SPARC: variants seen among roughly 807,000 people sequenced by gnomAD.
The protein encoded by SPARC is secreted protein acidic and cysteine rich, also known as basement-membrane protein 40.
SPARC carries 23 observed loss-of-function variants against 37.7 expected under a neutral mutation model. The observed-to-expected ratio is 0.61, with a 90% CI of 0.44 to 0.87. SPARC has a LOEUF of 0.87. Ranked by LOEUF, SPARC falls within the 40% of genes least tolerant of loss-of-function variation. SPARC has a pLI of 0.00. For synonymous variants in SPARC, 155 were observed against 150.8 expected (o/e 1.03, Z -0.20); for missense variants, 312 against 389.0 (o/e 0.80, Z 1.66).
chr5:151,668,932 G>A (rs1406106275), intron 6 of SPARC, among the ~76,000 whole-genome samples: 10 of 152,188 alleles, frequency 6.6e-5, no homozygotes, highest in African/African-American at 1.9e-4. Flanking sequence ...CATTGCCATC[G>A]GGTGCCAGAA....
Position 151,663,550 on chromosome 5 carries a change from G to T in SPARC, c.*21C>A. ...AAGGGGAGGGTTAAAGAGAGAATCC[G>T]GTACTGTGGAAGGAGTGGATTTAGA... On this transcript the variant is annotated 3_prime_UTR_variant, in exon 10 of 10. Coordinates refer to ENST00000231061, the MANE Select transcript of SPARC (RefSeq NM_003118.4). 1 of 1,610,780 alleles carries T rather than the reference G, an allele frequency of 6.2e-7. No individual in the cohort carries two copies. Among genetic ancestry groups the T allele is most frequent in the Non-Finnish European group, 8.5e-7 (1 of 1,177,052 alleles).
Position 151,673,358 on chromosome 5 carries a change from C to T in SPARC, c.121-142G>A, listed in dbSNP as rs17112183. The T allele has an allele frequency of 0.029, 20,246 of 686,310 alleles. 2,844 individuals are homozygous for T. In the African/African-American group the frequency reaches 0.31, roughly 10 times the overall value. The allele number at this position is 686,310 out of a possible 1,614,324, so 42.5% of individuals were successfully genotyped here. On this transcript the variant is annotated intron_variant, in intron 3 of 9. Coordinates refer to ENST00000231061, the MANE Select transcript of SPARC (RefSeq NM_003118.4). ...TAATCTATAGGCCTGCTGTGTTTTG[C>T]AGTATGCCTGGGATTCTGTTGAGCT...
chr5:151,683,602 C>G (rs1761060449), intron 1 of SPARC, among the ~76,000 whole-genome samples: 1 of 152,182 alleles, frequency 6.6e-6, no homozygotes, highest in African/African-American at 2.4e-5. Context: ...TTATGTTTGA[C>G]TGTGCATATG....
rs772471295 is a variant in SPARC at position 151,676,116 on chromosome 5, A to T, written c.57+16T>A. The T allele has an allele frequency of 6.8e-6, 11 of 1,606,346 alleles. No individual in the cohort carries two copies. Among genetic ancestry groups the T allele is most frequent in the Non-Finnish European group, 9.4e-6 (11 of 1,175,774 alleles). ...GTAGGAATGAAAACAAGAAGACATG[A>T]TATTTAGGTACTTACAGGGGCTGCC... On this transcript the variant is annotated intron_variant, in intron 2 of 9. Transcript: ENST00000231061.
intron 5 of SPARC, among the ~76,000 whole-genome samples, chr5:151,670,754 C>T (rs372954833): frequency 5.3e-5 from 8 of 152,212 alleles, no homozygotes; most frequent in South Asian, 2.1e-4. Context: ...TTTAGTATAG[C>T]TTATATGTCA....
intron 1 of SPARC, among the ~76,000 whole-genome samples, chr5:151,685,422 T>TCACACACA (rs3033198): frequency 0.017 from 2,347 of 140,472 alleles, 52 homozygotes; most frequent in African/African-American, 0.046. Flanking sequence ...CCTCTCTCTC[T>TCACACACA]CACACACACA....
chr5:151,668,445 G>A (rs980729561), intron 6 of SPARC, among the ~76,000 whole-genome samples: 6 of 152,086 alleles, frequency 3.9e-5, no homozygotes, highest in African/African-American at 9.7e-5. Flanking sequence ...GAGCCACCGC[G>A]CCTGACCCAG....
chr5:151,681,481 C>A (rs1393466009), intron 1 of SPARC, among the ~76,000 whole-genome samples: 2 of 152,198 alleles, frequency 1.3e-5, no homozygotes, highest in East Asian at 3.8e-4. Context: ...GCCAGAAAAT[C>A]CTTTATTTCA....
In SPARC at chr5:151,664,316, C is replaced by T. The variant is rs1581518656; in HGVS notation, c.735-81G>A. The T allele has an allele frequency of 1.4e-5, 18 of 1,329,186 alleles. No homozygotes were observed. In the East Asian group the frequency reaches 2.5e-4, roughly 18 times the overall value. 82.3% of individuals were successfully genotyped at this position (1,329,186 alleles called of 1,614,324 possible). A position where few individuals can be genotyped will look rare whatever the true frequency, so the allele number is the denominator to read the frequency against. On this transcript the variant is annotated intron_variant, in intron 8 of 9. Coordinates refer to ENST00000231061, the MANE Select transcript of SPARC (RefSeq NM_003118.4). The stretch of plus-strand genomic sequence containing the variant: ...CTTGGGAGGCAACCGGGGAGTTAGC[C>T]TGCCCCAGAGCATGGAGGAAAGGAT...
At chr5:151,672,758 G>T (rs1016850970) in intron 4 of SPARC, 5 of 260,382 alleles carry the variant, frequency 1.9e-5, no homozygotes, top group Non-Finnish European at 3.8e-5. Context: ...ACTTCTCTGT[G>T]GGGCACGGGC....
intron 5 of SPARC, 149 bp from the exon 6 acceptor site, chr5:151,669,933 T>G: frequency 8.6e-7 from 1 of 1,156,652 alleles, no homozygotes; most frequent in Admixed American, 2.3e-5. Context: ...GTGATAGGGC[T>G]GGGCCACAAA....
At chr5:151,686,352 A>T (rs1197418866) in intron 1 of SPARC, 1 of 152,008 alleles carries the variant, frequency 6.6e-6, no homozygotes, top group Non-Finnish European at 1.5e-5. Flanking sequence ...GGTGTGGATT[A>T]ATGGTGAAGC....
intron 3 of SPARC, among the ~76,000 whole-genome samples, chr5:151,673,809 C>T (rs960957919): frequency 1.3e-5 from 2 of 152,152 alleles, no homozygotes; most frequent in African/African-American, 2.4e-5. Context: ...TACTCCCGAC[C>T]ACCTTGGACA....
chr5:151,686,198 C>T (rs1052590958), intron 1 of SPARC, among the ~76,000 whole-genome samples: 3 of 152,170 alleles, frequency 2.0e-5, no homozygotes, highest in Non-Finnish European at 4.4e-5. Context: ...CCAAGGAACT[C>T]AGGACAGGAA....
intron 1 of SPARC, among the ~76,000 whole-genome samples, chr5:151,678,632 C>T (rs569205272): frequency 6.6e-6 from 1 of 152,198 alleles, no homozygotes; most frequent in African/African-American, 2.4e-5. Flanking sequence ...TGCAACAATT[C>T]AGGCCCTCTC....
At chr5:151,670,461 G>C (rs1374321288) in intron 5 of SPARC, among the ~76,000 whole-genome samples, 1 of 152,242 alleles carries the variant, frequency 6.6e-6, no homozygotes, top group Admixed American at 6.5e-5. Flanking sequence ...GCTGGGGTAA[G>C]AATGCACTCT....
intron 2 of SPARC, 110 bp from the exon 3 acceptor site, chr5:151,674,784 C>G (rs1760822193): frequency 6.0e-6 from 6 of 998,494 alleles, no homozygotes; most frequent in Non-Finnish European, 1.5e-6. Flanking sequence ...GAGCAGCTTA[C>G]TGGAGATCCC....
chr5:151,682,377 G>A (rs1761015162), intron 1 of SPARC, among the ~76,000 whole-genome samples: 1 of 152,114 alleles, frequency 6.6e-6, no homozygotes, highest in African/African-American at 2.4e-5. Flanking sequence ...GCTGCATTGT[G>A]GTGACCACAA....
chr5:151,670,688 G>A (rs1385833459), intron 5 of SPARC, among the ~76,000 whole-genome samples: 1 of 152,162 alleles, frequency 6.6e-6, no homozygotes. Flanking sequence ...TGCAGTGGCC[G>A]TAAGTAGCTG....
Sources: gnomAD v4.1 joint callset for allele counts (sites outside exome capture counted in the v4.1 genomes callset) on GRCh38, gnomAD v4.1.1 for gene constraint, MANE v1.5 for transcripts, NCBI Gene and HGNC (gene_info 2026-07-23, HGNC 2026-07-21) for gene names.